FGFR3: variants seen among roughly 807,000 people sequenced by gnomAD.
FGFR3 encodes the protein FGFR-3.
Under a neutral mutation model 82.9 loss-of-function variants are expected in FGFR3, and 25 were observed. The ratio of observed to expected loss-of-function variants is 0.30; its 90% CI spans 0.22 to 0.42. The LOEUF is 0.42. FGFR3 is among the 10% of genes least tolerant of loss of function. The pLI, the probability that FGFR3 is intolerant of heterozygous loss-of-function variation, is 1.00. For missense variants in FGFR3, 1,026 were observed against 1,161.0 expected (o/e 0.88, Z 1.69); for synonymous variants, 620 against 516.0 (o/e 1.20, Z -2.73).
At chr4:1,799,668 C>A (rs1034507724) in intron 3 of FGFR3, 79 bp from the exon 4 acceptor site, 301 of 1,579,378 alleles carry the variant, frequency 1.9e-4, no homozygotes, top group Non-Finnish European at 2.4e-4. Context: ...AAATGGGGGA[C>A]CCTGCCCCAT....
At position 1,808,273 on chromosome 4, in the gene FGFR3, G is replaced by A. The variant is rs1367088520; in HGVS notation, c.*1011G>A. The A allele has an allele frequency of 8.6e-6, 2 of 232,730 alleles. No individual in the cohort carries two copies. Among genetic ancestry groups the A allele is most frequent in the African/African-American group, 2.2e-5 (1 of 45,294 alleles). 14.4% of individuals were successfully genotyped at this position (232,730 alleles called of 1,614,324 possible). ...GAATGTACGTCCAGCCTGCCCCGGA[G>A]CTGGAGGATCCCCTCCAAGCCTAAA... On this transcript the variant is annotated 3_prime_UTR_variant, in exon 18 of 18. Coordinates refer to ENST00000440486, the MANE Select transcript of FGFR3 (RefSeq NM_000142.5).
Position 1,793,931 on chromosome 4 carries a change from C to CGCCATGGGCGCCCCT in FGFR3, c.1_15dup. ...CTGAGGACGCCGCGGCCCCCGCCCC[C>CGCCATGGGCGCCCCT]GCCATGGGCGCCCCTGCCTGCGCCC... On this transcript the variant is annotated 5_prime_UTR_variant, in exon 2 of 18. In the 5' UTR this introduces an upstream ATG that the reference lacks. Transcript: ENST00000440486. 7.7e-7 allele frequency: 1 copy of CGCCATGGGCGCCCCT among 1,292,018 alleles called. No individual in the cohort carries two copies. Among genetic ancestry groups the CGCCATGGGCGCCCCT allele is most frequent in the Non-Finnish European group, 9.9e-7 (1 of 1,006,228 alleles). The allele number at this position is 1,292,018 out of a possible 1,614,324, so 80.0% of individuals were successfully genotyped here.
intron 8 of FGFR3, 32 bp from the exon 9 acceptor site, chr4:1,804,298 C>T: frequency 1.3e-6 from 2 of 1,557,242 alleles, no homozygotes; most frequent in Non-Finnish European, 1.7e-6. Flanking sequence ...GGGGGGGGGC[C>T]AGGCCAGGCC....
chr4:1,797,648 C>T lies in FGFR3; in HGVS notation c.110-1606C>T, dbSNP rs141006345. ...CCTTCTGGGGGGCCTCGAGCAGCTC[C>T]CAGCTCTGGGTGGTCCCCACAAGAC... On this transcript the variant is annotated intron_variant, in intron 2 of 17. Coordinates refer to ENST00000440486, the MANE Select transcript of FGFR3 (RefSeq NM_000142.5). Among the ~76,000 whole-genome samples, 240 of 152,342 alleles carry T rather than the reference C, an allele frequency of 1.6e-3. 7 individuals are homozygous for T. In the East Asian group the frequency reaches 0.044, roughly 28 times the overall value.
At chr4:1,804,285 T>TC (rs750031483) in intron 8 of FGFR3, 45 bp from the exon 9 acceptor site, 11 of 1,298,592 alleles carry the variant, frequency 8.5e-6, no homozygotes, top group South Asian at 2.8e-5. Context: ...GGGAGCCCCG[T>TC]GGGGGGGGGG....
rs962681703 is a variant in FGFR3, at chr4:1,801,242, C to T, written c.446-125C>T. 4.5e-6 allele frequency: 5 copies of T among 1,117,966 alleles called. No individual in the cohort carries two copies. In the African/African-American group the frequency reaches 4.7e-5, roughly 10 times the overall value. 69.3% of individuals were successfully genotyped at this position (1,117,966 alleles called of 1,614,324 possible). A position where few individuals can be genotyped will look rare whatever the true frequency, so the allele number is the denominator to read the frequency against. On this transcript the variant is annotated intron_variant, in intron 4 of 17. Coordinates refer to ENST00000440486, the MANE Select transcript of FGFR3 (RefSeq NM_000142.5). Reference sequence around the variant, plus strand: ...AGGCTCCTGGGAACCTCATCCCGCCCTCTTCCTACACAGGACGGGAAACTG... The same window carrying T: ...AGGCTCCTGGGAACCTCATCCCGCCTTCTTCCTACACAGGACGGGAAACTG...
chr4:1,806,053 C>T lies in FGFR3; in HGVS notation c.1839C>T (p.Cys613=), dbSNP rs2108806328. 1 of 1,613,444 alleles carries T rather than the reference C, an allele frequency of 6.2e-7. No homozygotes were observed. Among genetic ancestry groups the T allele is most frequent in the Non-Finnish European group, 8.5e-7 (1 of 1,179,950 alleles). ...CCTGCCTCCCACCCCTTCCCCAGTGCATCCACAGGGACCTGGCTGCCCGCA... is the reference window on the plus strand; with the variant it reads ...CCTGCCTCCCACCCCTTCCCCAGTGTATCCACAGGGACCTGGCTGCCCGCA... The part of the protein sequence containing the change: ...RGMEYLASQK[C]IHRDLAARNV... Residue 613 remains cysteine (C), a splice_region_variant and synonymous_variant, in exon 14 of 18, where the codon TGC becomes TGT. Transcript: ENST00000440486.
At chr4:1,797,503 G>A (rs1208942358) in intron 2 of FGFR3, among the ~76,000 whole-genome samples, 1 of 152,234 alleles carries the variant, frequency 6.6e-6, no homozygotes, top group Non-Finnish European at 1.5e-5. Flanking sequence ...CCAGGCTGAA[G>A]CAAATACTTG....
chr4:1,802,772 T>A (rs1721353530), intron 7 of FGFR3: 1 of 1,048,532 alleles, frequency 9.5e-7, no homozygotes, highest in African/African-American at 1.7e-5. Context: ...CACCGTGAAG[T>A]GCCTCCACGC....
intron 4 of FGFR3, among the ~76,000 whole-genome samples, chr4:1,801,027 C>T (rs1263471355): frequency 6.6e-6 from 1 of 152,206 alleles, no homozygotes; most frequent in Admixed American, 6.5e-5. Flanking sequence ...ACTAGATGGG[C>T]CTGCCCCCTG....
At position 1,801,627 on chromosome 4, in the gene FGFR3, A is replaced by G. The variant is rs1331893968; in HGVS notation, c.623A>G (p.His208Arg). Residue 208 changes from histidine (H) to arginine (R), a missense_variant, in exon 6 of 18, where the codon CAT (histidine) becomes CGT (arginine). Around this residue, in one of 9 missense-constraint regions of FGFR3, gnomAD observed 147 missense variants for 228.1 expected, o/e 0.64. Coordinates refer to ENST00000440486, the MANE Select transcript of FGFR3 (RefSeq NM_000142.5). Reference protein sequence around the residue: ...EHRIGGIKLRHQQWSLVMESV... With the variant: ...EHRIGGIKLRRQQWSLVMESV... ...GCCCGCGTCCCGGTGCAGCTGCGGC[A>G]TCAGCAGTGGAGCCTGGTCATGGAA... 6 of 1,610,110 alleles carry G rather than the reference A, an allele frequency of 3.7e-6. No homozygotes were observed. The highest frequency in any genetic ancestry group is 1.7e-5 in the Admixed American group (1 of 59,700).
At chr4:1,796,219 C>T (rs1268829777) in intron 2 of FGFR3, among the ~76,000 whole-genome samples, 1 of 152,134 alleles carries the variant, frequency 6.6e-6, no homozygotes, top group African/African-American at 2.4e-5. Context: ...CTCGGGTGCC[C>T]TCTTCGAACC....
chr4:1,807,041 C>T (rs2108816191), intron 17 of FGFR3, 75 bp from the exon 18 acceptor site: 1 of 1,551,136 alleles, frequency 6.4e-7, no homozygotes, highest in Non-Finnish European at 8.7e-7. Flanking sequence ...CCTTCTGGGG[C>T]ACAGCCTGGG....
chr4:1,796,569 C>G (rs1419163522), intron 2 of FGFR3, among the ~76,000 whole-genome samples: 1 of 152,150 alleles, frequency 6.6e-6, no homozygotes, highest in Admixed American at 6.5e-5. Flanking sequence ...GCTCCGGAAG[C>G]GAGTCTGGAT....
In FGFR3 at chr4:1,807,027, C is replaced by T. The variant is rs924257152; in HGVS notation, c.2275-89C>T. ...CCCCCCAGAGTGCTGAGGTGTGGGG[C>T]GGGCCTTCTGGGGCACAGCCTGGGC... On this transcript the variant is annotated intron_variant, in intron 17 of 17. Transcript: ENST00000440486. The T allele has an allele frequency of 2.8e-5, 43 of 1,550,288 alleles. No homozygotes were observed. The East Asian group carries it at 3.2e-4, about 11-fold the overall frequency.
At chr4:1,803,978 A>C (rs1186808466) in intron 8 of FGFR3, 142 bp downstream of exon 8, 2 of 1,058,620 alleles carry the variant, frequency 1.9e-6, no homozygotes, top group African/African-American at 3.1e-5. Context: ...CCCTGTGCCC[A>C]GTGTGGGGAC....
In FGFR3 at chr4:1,806,030, T is replaced by TGCCTCCCACCCC. The variant is rs778946859; in HGVS notation, c.1837-20_1837-9dup. Reference sequence around the variant, plus strand: ...GGGAGAGGTGGAGAGGCTTCAGCCCTGCCTCCCACCCCTTCCCCAGTGCAT... The same window carrying TGCCTCCCACCCC: ...GGGAGAGGTGGAGAGGCTTCAGCCCTGCCTCCCACCCCGCCTCCCACCCCTTCCCCAGTGCAT... On this transcript the variant is annotated intron_variant, in intron 13 of 17. Transcript: ENST00000440486. The TGCCTCCCACCCC allele has an allele frequency of 7.1e-5, 114 of 1,612,900 alleles. No individual in the cohort carries two copies. Among genetic ancestry groups the TGCCTCCCACCCC allele is most frequent in the Non-Finnish European group, 7.6e-6 (9 of 1,179,840 alleles).
At chr4:1,800,258 G>A (rs1019190271) in intron 4 of FGFR3, among the ~76,000 whole-genome samples, 1 of 152,094 alleles carries the variant, frequency 6.6e-6, no homozygotes, top group African/African-American at 2.4e-5. Context: ...CTGGCAGGAG[G>A]GTGGCTGGTG....
intron 7 of FGFR3, among the ~76,000 whole-genome samples, chr4:1,803,401 TCCATC>T (rs1721451341): frequency 6.6e-6 from 1 of 152,120 alleles, no homozygotes; most frequent in Non-Finnish European, 1.5e-5. Context: ...TGTCCCTGTG[TCCATC>T]CTCCACCTGC....
Sources: gnomAD v4.1 joint callset for allele counts (sites outside exome capture counted in the v4.1 genomes callset) on GRCh38, gnomAD v4.1.1 for gene constraint, gnomAD v4.1.1 regional missense constraint, MANE v1.5 for transcripts, NCBI Gene and HGNC (gene_info 2026-07-23, HGNC 2026-07-21) for gene names.